SNAP47: variants seen among roughly 807,000 people sequenced by gnomAD.
SNAP47 encodes synaptosomal-associated protein 47.
SNAP47 carries 20 observed loss-of-function variants against 31.4 expected under a neutral mutation model. The ratio of observed to expected loss-of-function variants is 0.64; its 90% CI spans 0.45 to 0.93. The LOEUF (loss-of-function observed/expected upper bound fraction) is 0.93. Ranked by LOEUF, SNAP47 falls within the 40% of genes least tolerant of loss-of-function variation. The pLI is 0.00. For synonymous variants in SNAP47, 194 were observed against 213.4 expected (o/e 0.91, Z 0.79); for missense variants, 492 against 528.5 (o/e 0.93, Z 0.68).
chr1:227,735,462 G>T lies in SNAP47; in HGVS notation c.-83G>T. On this transcript the variant is annotated 5_prime_UTR_variant, in exon 1 of 5. Transcript: ENST00000617596. ...TGCGCAGGCGCCGAGCGGCCGAGGC[G>T]CCGCGGTCGGCTCTGGGACTCGTCT... 2 of 1,436,794 alleles carry T rather than the reference G, an allele frequency of 1.4e-6. No individual in the cohort carries two copies. Among genetic ancestry groups the T allele is most frequent in the African/African-American group, 3.0e-5 (2 of 67,250 alleles). The allele number at this position is 1,436,794 out of a possible 1,614,324, so 89.0% of individuals were successfully genotyped here. A position where few individuals can be genotyped will look rare whatever the true frequency, so the allele number is the denominator to read the frequency against.
chr1:227,775,085 GC>G (rs543415717), intron 4 of SNAP47, among the ~76,000 whole-genome samples: 1 of 152,158 alleles, frequency 6.6e-6, no homozygotes, highest in Non-Finnish European at 1.5e-5. Flanking sequence ...CCCTGCATCT[GC>G]CCCCCCGGCT....
rs139661949 is a variant in SNAP47, at chr1:227,739,971, A to T, written c.-46+4472A>T. On this transcript the variant is annotated intron_variant, in intron 1 of 4. Coordinates refer to ENST00000617596, the MANE Select transcript of SNAP47 (RefSeq NM_053052.4). Reference sequence around the variant, plus strand: ...GCAGAACTATGTGGTACAGGAGGGCATAGGCACAGCTCTGTTTCCATGTGG... The same window carrying T: ...GCAGAACTATGTGGTACAGGAGGGCTTAGGCACAGCTCTGTTTCCATGTGG... Among the ~76,000 whole-genome samples the T allele has an allele frequency of 4.6e-3, 697 of 152,364 alleles. 18 individuals carry two copies. The South Asian group carries it at 0.056, about 12-fold the overall frequency.
chr1:227,755,632 C>T (rs1334683130), intron 2 of SNAP47, among the ~76,000 whole-genome samples: 3 of 152,210 alleles, frequency 2.0e-5, no homozygotes, highest in African/African-American at 7.2e-5. Context: ...AAGTAATCCA[C>T]CTCGGCCTCC....
intron 4 of SNAP47, among the ~76,000 whole-genome samples, chr1:227,771,312 T>A (rs1290244412): frequency 6.6e-6 from 1 of 152,196 alleles, no homozygotes; most frequent in Non-Finnish European, 1.5e-5. Context: ...CCGCCATGTT[T>A]GGGGATCTGT....
chr1:227,736,318 T>G (rs970434854), intron 1 of SNAP47: 8 of 152,118 alleles, frequency 5.3e-5, no homozygotes, highest in African/African-American at 1.9e-4. Context: ...GATTTGGGGC[T>G]GTGTACACAT....
chr1:227,766,737 C>G (rs1433236920), intron 3 of SNAP47, among the ~76,000 whole-genome samples: 1 of 152,220 alleles, frequency 6.6e-6, no homozygotes, highest in African/African-American at 2.4e-5. Flanking sequence ...GGCTTTTACT[C>G]TGAGAGGTAC....
chr1:227,763,939 A>G lies in SNAP47; in HGVS notation c.989-3020A>G, dbSNP rs1663225028. Among the ~76,000 whole-genome samples the G allele has an allele frequency of 1.3e-5, 2 of 152,188 alleles. No homozygotes were observed. Among genetic ancestry groups the G allele is most frequent in the Admixed American group, 1.3e-4 (2 of 15,290 alleles). On this transcript the variant is annotated intron_variant, in intron 3 of 4. Coordinates refer to ENST00000617596, the MANE Select transcript of SNAP47 (RefSeq NM_053052.4). The surrounding 1 kb of genome is among the most constrained non-coding windows in gnomAD (Gnocchi z 4.2). ...GTGAAGACAGAGCTGTGTCTTGCAC[A>G]GGGGCCTGTGGCCTCAGGGCACTCT... is the stretch of plus-strand genomic sequence containing the variant.
chr1:227,732,556 C>A, upstream of SNAP47: 2 of 1,613,502 alleles, frequency 1.2e-6, no homozygotes, highest in Non-Finnish European at 1.7e-6. Context: ...TGTTCGAAAC[C>A]CAACCCAGCA....
At chr1:227,779,529 C>T (rs1454075688) in intron 4 of SNAP47, among the ~76,000 whole-genome samples, 1 of 152,232 alleles carries the variant, frequency 6.6e-6, no homozygotes, top group African/African-American at 2.4e-5. Flanking sequence ...GGTGGGTACA[C>T]AGCACTGAGG....
intron 1 of SNAP47, chr1:227,746,661 C>T (rs572835998): frequency 1.3e-5 from 2 of 152,322 alleles, no homozygotes; most frequent in South Asian, 4.1e-4. Flanking sequence ...GAGGAGGACC[C>T]CACAGCCTCT....
intron 2 of SNAP47, among the ~76,000 whole-genome samples, chr1:227,755,886 G>A (rs935306617): frequency 1.3e-5 from 2 of 152,228 alleles, no homozygotes; most frequent in Non-Finnish European, 2.9e-5. Flanking sequence ...GTGGCCCAAC[G>A]CCAGGGGGCC....
upstream of SNAP47, chr1:227,731,266 A>G (rs1458320269): frequency 6.6e-6 from 1 of 152,296 alleles, no homozygotes; most frequent in Non-Finnish European, 1.5e-5. Flanking sequence ...AGCACTTCAC[A>G]TGATTCACTG....
exon 1 of SNAP47, chr1:227,728,737 G>A (rs1249778120): frequency 6.6e-6 from 1 of 151,968 alleles, no homozygotes; most frequent in East Asian, 1.9e-4. Flanking sequence ...TCCCTGGCAC[G>A]GGCTGTCTGA....
At chr1:227,735,317 G>T (rs1167112224), upstream of SNAP47, 4 of 1,602,192 alleles carry the variant, frequency 2.5e-6, no homozygotes, top group African/African-American at 4.0e-5. Context: ...CACTTCCGCC[G>T]GAGCGGAAAC....
At chr1:227,729,789 T>C (rs1025551812) in intron 1 of SNAP47, among the ~76,000 whole-genome samples, 1 of 152,176 alleles carries the variant, frequency 6.6e-6, no homozygotes, top group African/African-American at 2.4e-5. Flanking sequence ...CCAATCACAA[T>C]TGCAAGCCCA....
intron 2 of SNAP47, among the ~76,000 whole-genome samples, chr1:227,751,008 G>GCACC (rs1349955117): frequency 2.0e-5 from 3 of 152,156 alleles, no homozygotes; most frequent in Non-Finnish European, 2.9e-5. Flanking sequence ...AATGAGCCGG[G>GCACC]CACCAAGCGA....
At chr1:227,734,230 T>C (rs1660895673), upstream of SNAP47, 1 of 613,692 alleles carries the variant, frequency 1.6e-6, no homozygotes, top group Admixed American at 3.1e-5. Flanking sequence ...ACAATGGTTC[T>C]GCTTATTAGA....
rs1049664489 is a variant in SNAP47, at chr1:227,763,997, C to T, written c.989-2962C>T. 1.3e-5 allele frequency among the ~76,000 whole-genome samples: 2 copies of T among 152,206 alleles called. No homozygotes were observed. The highest frequency in any genetic ancestry group is 4.8e-5 in the African/African-American group (2 of 41,458). On this transcript the variant is annotated intron_variant, in intron 3 of 4. Transcript: ENST00000617596. This position sits in a 1 kb window ranked among gnomAD's most constrained non-coding sequence, Gnocchi z 4.2. The stretch of plus-strand genomic sequence containing the variant: ...GATGACCAAGACATTCTGCAGCCAG[C>T]AGTGTGCCCTGGGCTCTTCCTGGGC...
At chr1:227,730,249 T>C (rs530650626), upstream of SNAP47, among the ~76,000 whole-genome samples, 11 of 151,964 alleles carry the variant, frequency 7.2e-5, no homozygotes, top group South Asian at 2.3e-3. Context: ...CTTGCAGAGG[T>C]GAAATTCCCT....
Sources: gnomAD v4.1 joint callset for allele counts (sites outside exome capture counted in the v4.1 genomes callset) on GRCh38, gnomAD v4.1.1 for gene constraint, Gnocchi (gnomAD v3.1) non-coding constraint, MANE v1.5 for transcripts, NCBI Gene and HGNC (gene_info 2026-07-23, HGNC 2026-07-21) for gene names.